Variants in CACHD1 observed in about 807,000 individuals in gnomAD.
CACHD1 encodes the protein cache domain containing 1, also known as VWFA and cache domain-containing protein 1.
In CACHD1, 71 loss-of-function variants were observed where a neutral mutation model predicts 138.7. The observed-to-expected ratio is 0.51, with a 90% CI of 0.42 to 0.62. CACHD1 has a LOEUF of 0.62. Ranked by LOEUF, CACHD1 falls within the 20% of genes least tolerant of loss-of-function variation. The probability of loss-of-function intolerance (pLI) is 0.00; values close to 1 mark genes in which losing one functional copy is unlikely to be tolerated. For missense variants in CACHD1, 1,389 were observed against 1,625.3 expected, an observed-to-expected ratio of 0.85 and a Z score of 2.50; for synonymous variants, 578 against 591.5, an observed-to-expected ratio of 0.98 and a Z score of 0.33.
At chr1:64,685,009 A>G (rs928199192) in intron 26 of CACHD1, among the ~76,000 whole-genome samples, 3 of 152,042 alleles carry the variant, frequency 2.0e-5, no homozygotes, top group Admixed American at 1.3e-4. Context: ...GGGTTTTTCC[A>G]TGTTGGTCAG....
chr1:64,560,478 T>C (rs1453594364), intron 2 of CACHD1, among the ~76,000 whole-genome samples: 2 of 152,128 alleles, frequency 1.3e-5, no homozygotes, highest in Non-Finnish European at 2.9e-5. Context: ...TTTTTAAGTA[T>C]TTTGTTCAAT....
At chr1:64,471,846 G>T (rs1328437761) in intron 1 of CACHD1, among the ~76,000 whole-genome samples, 2 of 151,996 alleles carry the variant, frequency 1.3e-5, no homozygotes, top group African/African-American at 2.4e-5. Flanking sequence ...TGTTACTCAC[G>T]ACCAACAGTA....
chr1:64,687,588 C>T (rs945764569), intron 26 of CACHD1, among the ~76,000 whole-genome samples: 2 of 152,220 alleles, frequency 1.3e-5, no homozygotes, highest in African/African-American at 4.8e-5. Flanking sequence ...CCATCACTAC[C>T]GTCCTGGATG....
chr1:64,532,945 G>C (rs1646600101), intron 1 of CACHD1, among the ~76,000 whole-genome samples: 1 of 150,934 alleles, frequency 6.6e-6, no homozygotes, highest in Admixed American at 6.6e-5. Flanking sequence ...AGGAGGATTT[G>C]TTACTGTTTA....
chr1:64,629,407 T>A lies in CACHD1; in HGVS notation c.570T>A (p.Ser190Arg). 1 of 1,614,120 alleles carries A rather than the reference T, an allele frequency of 6.2e-7. No homozygotes were observed. The highest frequency in any genetic ancestry group is 8.5e-7 in the Non-Finnish European group (1 of 1,179,976). ...SNPGIKWQYF[S>R]SEEGIFTVFP... is the part of the protein sequence containing the mutation. ...CTGGAATTAAGTGGCAATATTTCAGTTCAGAAGAAGGAATTTTCACTGTTT... is the reference window on the plus strand; with the variant it reads ...CTGGAATTAAGTGGCAATATTTCAGATCAGAAGAAGGAATTTTCACTGTTT... Residue 190 changes from serine (S) to arginine (R), a missense_variant, in exon 5 of 27, where the codon AGT becomes AGA. Transcript: ENST00000651257.
chr1:64,678,897 T>C (rs1650080680), intron 23 of CACHD1, among the ~76,000 whole-genome samples: 1 of 152,138 alleles, frequency 6.6e-6, no homozygotes, highest in African/African-American at 2.4e-5. Context: ...TTTTCAGTCT[T>C]TCCAGAATTA....
intron 1 of CACHD1, chr1:64,506,390 C>T (rs1298258007): frequency 6.6e-6 from 1 of 152,254 alleles, no homozygotes; most frequent in Admixed American, 6.5e-5. Context: ...CTCACAACCA[C>T]ACTCAACGAC....
chr1:64,647,778 C>A, intron 8 of CACHD1, 23 bp from the exon 9 acceptor site: 1 of 1,608,218 alleles, frequency 6.2e-7, no homozygotes, highest in South Asian at 1.1e-5. Flanking sequence ...TTTCCGTGGT[C>A]TTCTCTCGGC....
At chr1:64,566,576 C>CATT (rs1646884528) in intron 2 of CACHD1, among the ~76,000 whole-genome samples, 1 of 144,962 alleles carries the variant, frequency 6.9e-6, no homozygotes, top group African/African-American at 2.5e-5. Flanking sequence ...CCTAGCAATT[C>CATT]CTCTTATTTG....
At chr1:64,480,473 C>A (rs2100272198) in intron 1 of CACHD1, among the ~76,000 whole-genome samples, 1 of 152,108 alleles carries the variant, frequency 6.6e-6, no homozygotes, top group Non-Finnish European at 1.5e-5. Flanking sequence ...GATTTAATGG[C>A]TGTAAACTTA....
intron 2 of CACHD1, among the ~76,000 whole-genome samples, chr1:64,558,463 A>G (rs1008060086): frequency 2.6e-5 from 4 of 152,116 alleles, no homozygotes; most frequent in Non-Finnish European, 4.4e-5. Flanking sequence ...TCCTTGTTCC[A>G]TATTTCCTTT....
Position 64,645,170 on chromosome 1 carries a change from G to T in CACHD1, c.1157-2631G>T, listed in dbSNP as rs369604604. On this transcript the variant is annotated intron_variant, in intron 8 of 26. Transcript: ENST00000651257. ...GAAAGGGTACCAGAGAAGTTGGGGG[G>T]ATTGGGAATGGTTGATGGGTAATCA... is the stretch of plus-strand genomic sequence containing the variant. Among the ~76,000 whole-genome samples, 33 of 152,186 alleles carry T rather than the reference G, an allele frequency of 2.2e-4. No homozygotes were observed. In the East Asian group the frequency reaches 4.4e-3, roughly 20 times the overall value.
chr1:64,679,634 C>T lies in CACHD1; in HGVS notation c.3284C>T (p.Pro1095Leu). Residue 1095 changes from proline to leucine, a missense_variant, in exon 24 of 27, where the codon CCT becomes CTT. This residue lies in a region of CACHD1 where 250 missense variants were observed against 292.9 expected (regional missense o/e 0.85). Transcript: ENST00000651257. ...VITLNMIKSA[P>L]VGPVAGGIMG... ...ACATTAAACATGATTAAAAGCGCCC[C>T]TGTGGGTCCTGTGGCTGGAGGGATC... 1.2e-6 allele frequency: 2 copies of T among 1,614,206 alleles called. No homozygotes were observed. The highest frequency in any genetic ancestry group is 1.3e-5 in the African/African-American group (1 of 75,054).
chr1:64,496,658 C>T (rs976781714), intron 1 of CACHD1, among the ~76,000 whole-genome samples: 4 of 151,834 alleles, frequency 2.6e-5, no homozygotes, highest in Admixed American at 6.6e-5. Context: ...ATAGTGGAGA[C>T]GGTGCACTGG....
intron 2 of CACHD1, among the ~76,000 whole-genome samples, chr1:64,550,975 CT>C: frequency 6.6e-6 from 1 of 152,242 alleles, no homozygotes; most frequent in Admixed American, 6.5e-5. Flanking sequence ...AGTGTCCAGG[CT>C]TTGGAATCAG....
At chr1:64,602,732 A>G (rs991496993) in intron 3 of CACHD1, 74 bp from the exon 4 acceptor site, 20 of 918,984 alleles carry the variant, frequency 2.2e-5, no homozygotes, top group Non-Finnish European at 3.1e-5. Context: ...CTTGTACACA[A>G]TGTAAACCAT....
chr1:64,660,619 C>G (rs1023966560), intron 13 of CACHD1, among the ~76,000 whole-genome samples: 33 of 152,012 alleles, frequency 2.2e-4, no homozygotes, highest in Admixed American at 2.2e-3. Context: ...CCACCTCCGT[C>G]TCCTGGGTTC....
chr1:64,660,054 A>C (rs2100695731), intron 13 of CACHD1, among the ~76,000 whole-genome samples: 1 of 152,236 alleles, frequency 6.6e-6, no homozygotes, highest in South Asian at 2.1e-4. Flanking sequence ...GCAGGATTTT[A>C]TATTTCTTTG....
At chr1:64,534,658 G>T (rs1287280621) in intron 1 of CACHD1, among the ~76,000 whole-genome samples, 2 of 152,246 alleles carry the variant, frequency 1.3e-5, no homozygotes, top group African/African-American at 4.8e-5. Context: ...CAATTCAAGG[G>T]CAGGACTGTC....
Sources: allele counts gnomAD v4.1 joint callset (sites outside exome capture counted in the v4.1 genomes callset), GRCh38; gene constraint gnomAD v4.1.1; regional missense constraint gnomAD v4.1.1; transcripts MANE v1.5; gene names NCBI Gene and HGNC (gene_info 2026-07-23, HGNC 2026-07-21).